Variants in ACSL3 observed in about 807,000 individuals in gnomAD.
The protein encoded by ACSL3 is acyl-CoA synthetase long chain family member 3, also known as fatty acid CoA ligase Acsl3.
ACSL3 carries 34 observed loss-of-function variants against 84.7 expected under a neutral mutation model. The observed-to-expected ratio is 0.40, with a 90% CI of 0.31 to 0.53. The LOEUF is 0.53. ACSL3 is among the 20% of genes least tolerant of loss of function. ACSL3 has a pLI of 0.48. For missense variants in ACSL3, 680 were observed against 873.1 expected (o/e 0.78, Z 2.79); for synonymous variants, 315 against 299.4 (o/e 1.05, Z -0.54).
intron 10 of ACSL3, 82 bp downstream of exon 10, chr2:222,923,231 T>G: frequency 8.6e-7 from 1 of 1,163,760 alleles, no homozygotes; most frequent in South Asian, 1.3e-5. Context: ...AAAAATATAT[T>G]GTTGACAAGG....
At chr2:222,869,546 T>G (rs1695246743) in intron 1 of ACSL3, among the ~76,000 whole-genome samples, 1 of 152,218 alleles carries the variant, frequency 6.6e-6, no homozygotes. Context: ...GAAATGTTAA[T>G]TCTGTAAGGA....
At chr2:222,927,473 T>C (rs961397227) in intron 12 of ACSL3, among the ~76,000 whole-genome samples, 3 of 152,240 alleles carry the variant, frequency 2.0e-5, no homozygotes, top group African/African-American at 7.2e-5. Context: ...CTGACTGTTT[T>C]GTGTACATTT....
intron 1 of ACSL3, among the ~76,000 whole-genome samples, chr2:222,886,191 A>G (rs1354210971): frequency 6.6e-6 from 1 of 152,052 alleles, no homozygotes; most frequent in Non-Finnish European, 1.5e-5. Context: ...TAAGCCCCAC[A>G]TGCATTAGGT....
chr2:222,871,079 G>A (rs1030529673), intron 1 of ACSL3, among the ~76,000 whole-genome samples: 2 of 152,142 alleles, frequency 1.3e-5, no homozygotes, highest in Non-Finnish European at 1.5e-5. Flanking sequence ...AAAGTAACAC[G>A]TGAGAAAGGG....
At chr2:222,933,814 A>T (rs575667300) in intron 15 of ACSL3, 1 of 152,364 alleles carries the variant, frequency 6.6e-6, no homozygotes, top group East Asian at 1.9e-4. Flanking sequence ...ATGAATTATT[A>T]TGGGAAAATA....
intron 2 of ACSL3, among the ~76,000 whole-genome samples, chr2:222,894,976 T>C (rs1036557127): frequency 6.6e-6 from 1 of 152,242 alleles, no homozygotes; most frequent in South Asian, 2.1e-4. Context: ...CTTCAGACTA[T>C]GTTACTACTA....
Position 222,936,952 on chromosome 2 carries a change from A to G in ACSL3, c.2005+2265A>G, listed in dbSNP as rs151074154. 6.6e-3 allele frequency among the ~76,000 whole-genome samples: 1,001 copies of G among 152,210 alleles called. 5 individuals are homozygous for G. The highest frequency in any genetic ancestry group is 0.011 in the Non-Finnish European group (775 of 67,988). On this transcript the variant is annotated intron_variant, in intron 16 of 16. Coordinates refer to ENST00000357430, the MANE Select transcript of ACSL3 (RefSeq NM_004457.5). Reference sequence around the variant, plus strand: ...ACCATCACGAGAACAACATGGAGAAACCGCACCCATGATCCAGTCACCTCC... The same window carrying G: ...ACCATCACGAGAACAACATGGAGAAGCCGCACCCATGATCCAGTCACCTCC...
At chr2:222,899,739 T>C (rs2106110120) in intron 2 of ACSL3, among the ~76,000 whole-genome samples, 1 of 152,274 alleles carries the variant, frequency 6.6e-6, no homozygotes, top group East Asian at 1.9e-4. Flanking sequence ...GAAGATGTGC[T>C]CTGCTACAGG....
chr2:222,918,190 C>G (rs757522552), intron 6 of ACSL3, 35 bp downstream of exon 6: 4 of 1,437,174 alleles, frequency 2.8e-6, no homozygotes, highest in Non-Finnish European at 3.9e-6. Context: ...CTGTCTGATA[C>G]TTTAGAATTT....
chr2:222,922,044 A>G (rs1696753811), intron 8 of ACSL3, among the ~76,000 whole-genome samples: 1 of 152,172 alleles, frequency 6.6e-6, no homozygotes, highest in African/African-American at 2.4e-5. Context: ...GAACTTGGGG[A>G]TGGAGGAATG....
At chr2:222,941,271 C>T (rs902797997) in intron 16 of ACSL3, among the ~76,000 whole-genome samples, 5 of 151,786 alleles carry the variant, frequency 3.3e-5, no homozygotes, top group Admixed American at 6.6e-5. Context: ...CTATTTTGTT[C>T]CTATATCATA....
At chr2:222,919,719 A>G (rs965972739) in intron 7 of ACSL3, among the ~76,000 whole-genome samples, 1 of 152,214 alleles carries the variant, frequency 6.6e-6, no homozygotes, top group African/African-American at 2.4e-5. Flanking sequence ...GTGTTTAGAG[A>G]TACTGCAAAA....
intron 1 of ACSL3, among the ~76,000 whole-genome samples, chr2:222,863,633 G>T (rs1395306341): frequency 6.6e-6 from 1 of 151,930 alleles, no homozygotes; most frequent in African/African-American, 2.4e-5. Flanking sequence ...CTAGGCCAAG[G>T]GTGATAGGCT....
chr2:222,893,340 T>C (rs971644244), intron 2 of ACSL3, among the ~76,000 whole-genome samples: 4 of 152,174 alleles, frequency 2.6e-5, no homozygotes, highest in African/African-American at 7.2e-5. Flanking sequence ...ATAAAATGTC[T>C]GCTTGCTCTG....
chr2:222,868,100 C>G (rs188010443), intron 1 of ACSL3, among the ~76,000 whole-genome samples: 25 of 151,952 alleles, frequency 1.6e-4, no homozygotes, highest in Admixed American at 1.6e-3. Flanking sequence ...CACGTGTACC[C>G]TTTCTCTTGG....
At chr2:222,937,392 A>G (rs1055309556) in intron 16 of ACSL3, among the ~76,000 whole-genome samples, 1 of 152,152 alleles carries the variant, frequency 6.6e-6, no homozygotes, top group Non-Finnish European at 1.5e-5. Context: ...TTCATAAATG[A>G]AAGTGGAGTA....
chr2:222,864,148 TAA>T (rs963989357), intron 1 of ACSL3, among the ~76,000 whole-genome samples: 2 of 152,172 alleles, frequency 1.3e-5, no homozygotes, highest in African/African-American at 4.8e-5. Context: ...CCTATGCAAC[TAA>T]AGAGGTATGT....
chr2:222,939,708 G>A (rs1166043786), intron 16 of ACSL3, among the ~76,000 whole-genome samples: 1 of 152,120 alleles, frequency 6.6e-6, no homozygotes, highest in African/African-American at 2.4e-5. Flanking sequence ...CCTTTGATGC[G>A]GTTGGTTTCC....
At position 222,944,438 on chromosome 2, in the gene ACSL3, C is replaced by T. The variant is rs2106150397; in HGVS notation, c.*2784C>T. The T allele has an allele frequency of 6.6e-6, 1 of 152,068 alleles. No individual in the cohort carries two copies. The highest frequency in any genetic ancestry group is 2.1e-4 in the South Asian group (1 of 4,808). 9.4% of individuals were successfully genotyped at this position (152,068 alleles called of 1,614,324 possible). On this transcript the variant is annotated 3_prime_UTR_variant, in exon 17 of 17. Coordinates refer to ENST00000357430, the MANE Select transcript of ACSL3 (RefSeq NM_004457.5). ...CTTTTAAACAGTGTACATATTGGAC[C>T]ACACTGAAATGTCATATATCCTTTC...
Sources: allele counts gnomAD v4.1 joint callset (sites outside exome capture counted in the v4.1 genomes callset), GRCh38; gene constraint gnomAD v4.1.1; transcripts MANE v1.5; gene names NCBI Gene and HGNC (gene_info 2026-07-23, HGNC 2026-07-21).